SEMA6D: variants seen among roughly 807,000 people sequenced by gnomAD.
SEMA6D encodes the protein semaphorin-6D.
SEMA6D carries 35 observed loss-of-function variants against 106.6 expected under a neutral mutation model. That is an observed-to-expected ratio of 0.33 (90% CI 0.25 to 0.44). The LOEUF (loss-of-function observed/expected upper bound fraction) is 0.44. SEMA6D is among the 20% of genes least tolerant of loss of function. The pLI, the probability that SEMA6D is intolerant of heterozygous loss-of-function variation, is 1.00. For synonymous variants in SEMA6D, 499 were observed against 487.7 expected (o/e 1.02, Z -0.31); for missense variants, 1,185 against 1,345.9 (o/e 0.88, Z 1.87).
chr15:47,493,759 A>C (rs2043547613), intron 3 of SEMA6D, among the ~76,000 whole-genome samples: 1 of 152,144 alleles, frequency 6.6e-6, no homozygotes, highest in African/African-American at 2.4e-5. Context: ...AAGAGAAACA[A>C]AGTAATTTAT....
At chr15:47,529,209 A>G (rs1034836476) in intron 3 of SEMA6D, among the ~76,000 whole-genome samples, 4 of 152,160 alleles carry the variant, frequency 2.6e-5, no homozygotes, top group African/African-American at 9.7e-5. Flanking sequence ...AAAGGTCTTC[A>G]TCTTCCTCGT....
intron 2 of SEMA6D, among the ~76,000 whole-genome samples, chr15:47,460,000 T>A (rs2042455767): frequency 6.6e-6 from 1 of 151,980 alleles, no homozygotes; most frequent in African/African-American, 2.4e-5. Flanking sequence ...CGTATTCAAA[T>A]CCCCAAGTCA....
intron 1 of SEMA6D, among the ~76,000 whole-genome samples, chr15:47,407,459 C>G (rs16959420): frequency 6.7e-6 from 1 of 148,338 alleles, no homozygotes; most frequent in Non-Finnish European, 1.5e-5. Flanking sequence ...TGAACAATTC[C>G]AAACAACCAG....
At chr15:47,653,702 C>T (rs1297450623) in intron 4 of SEMA6D, among the ~76,000 whole-genome samples, 3 of 152,190 alleles carry the variant, frequency 2.0e-5, no homozygotes, top group Non-Finnish European at 4.4e-5. Flanking sequence ...TATGCCTTGC[C>T]CATGCAACAA....
chr15:47,758,598 CTG>C (rs1182987609), intron 1 of SEMA6D, among the ~76,000 whole-genome samples: 2 of 152,042 alleles, frequency 1.3e-5, no homozygotes, highest in East Asian at 1.9e-4. Flanking sequence ...GCAATTAATG[CTG>C]TGTTTTGATA....
intron 3 of SEMA6D, among the ~76,000 whole-genome samples, chr15:47,600,644 TA>T (rs2076632928): frequency 6.6e-6 from 1 of 152,188 alleles, no homozygotes; most frequent in African/African-American, 2.4e-5. Flanking sequence ...AACATATTCC[TA>T]ACTAATAATG....
chr15:47,426,752 A>G (rs535399778), intron 2 of SEMA6D, among the ~76,000 whole-genome samples: 16 of 152,262 alleles, frequency 1.1e-4, no homozygotes, highest in African/African-American at 3.4e-4. Flanking sequence ...CCCCCAAGTA[A>G]AGCCCAATGC....
At chr15:47,235,940 G>C (rs939670743) in intron 1 of SEMA6D, among the ~76,000 whole-genome samples, 1 of 152,010 alleles carries the variant, frequency 6.6e-6, no homozygotes, top group African/African-American at 2.4e-5. Context: ...GTTACATTCT[G>C]CTCCCTCAGA....
intron 16 of SEMA6D, 141 bp downstream of exon 16, chr15:47,766,818 GT>G: frequency 1.5e-6 from 1 of 668,038 alleles, no homozygotes; most frequent in East Asian, 2.7e-5. Context: ...AAGCTGAGCT[GT>G]TCGGTCATGG....
chr15:47,328,047 G>C (rs759756834), intron 1 of SEMA6D, among the ~76,000 whole-genome samples: 1 of 152,158 alleles, frequency 6.6e-6, no homozygotes, highest in Non-Finnish European at 1.5e-5. Flanking sequence ...TTTGAATCCA[G>C]ATGTGCTAGC....
intron 1 of SEMA6D, among the ~76,000 whole-genome samples, chr15:47,383,904 A>G (rs891568254): frequency 6.6e-6 from 1 of 152,170 alleles, no homozygotes; most frequent in Non-Finnish European, 1.5e-5. Context: ...ATCTCTGTAT[A>G]TCTCATGACC....
At chr15:47,188,533 T>C (rs1893728397) in intron 1 of SEMA6D, among the ~76,000 whole-genome samples, 1 of 152,206 alleles carries the variant, frequency 6.6e-6, no homozygotes, top group Non-Finnish European at 1.5e-5. Context: ...GTAGATTTCT[T>C]AACTGATTAC....
intron 4 of SEMA6D, among the ~76,000 whole-genome samples, chr15:47,623,374 A>G (rs1278971315): frequency 6.6e-6 from 1 of 152,184 alleles, no homozygotes; most frequent in African/African-American, 2.4e-5. Context: ...TAACTCATTT[A>G]TTCCTCCCAA....
chr15:47,664,585 G>C (rs1471090363), intron 4 of SEMA6D, among the ~76,000 whole-genome samples: 1 of 152,192 alleles, frequency 6.6e-6, no homozygotes, highest in African/African-American at 2.4e-5. Context: ...GTGTGACATA[G>C]GTGGATCATT....
chr15:47,491,475 A>C (rs1000481617), intron 3 of SEMA6D, among the ~76,000 whole-genome samples: 33 of 152,352 alleles, frequency 2.2e-4, no homozygotes, highest in African/African-American at 7.2e-4. Context: ...TTTTTTATGC[A>C]AATATATGTG....
chr15:47,435,410 C>A (rs1194727640), intron 2 of SEMA6D, among the ~76,000 whole-genome samples: 1 of 152,078 alleles, frequency 6.6e-6, no homozygotes, highest in Non-Finnish European at 1.5e-5. Flanking sequence ...ATGGTGGAAA[C>A]TCTGTTTTTC....
chr15:47,215,884 A>T (rs1172970956), intron 1 of SEMA6D, among the ~76,000 whole-genome samples: 1 of 151,900 alleles, frequency 6.6e-6, no homozygotes, highest in Non-Finnish European at 1.5e-5. Flanking sequence ...AGAGAGGTCG[A>T]GGAGCAGTGC....
chr15:47,274,025 T>C (rs1020000100), intron 1 of SEMA6D, among the ~76,000 whole-genome samples: 2 of 152,090 alleles, frequency 1.3e-5, no homozygotes, highest in South Asian at 2.1e-4. Flanking sequence ...GGTATGGACC[T>C]AAAGGCTTCA....
At chr15:47,751,012 G>A (rs2081401876) in intron 1 of SEMA6D, among the ~76,000 whole-genome samples, 2 of 152,132 alleles carry the variant, frequency 1.3e-5, no homozygotes, top group Admixed American at 1.3e-4. Context: ...GCCCAGAGTA[G>A]CCTGCCCCAG....
Sources: gnomAD v4.1 joint callset for allele counts (sites outside exome capture counted in the v4.1 genomes callset) on GRCh38, gnomAD v4.1.1 for gene constraint, MANE v1.5 for transcripts, NCBI Gene and HGNC (gene_info 2026-07-23, HGNC 2026-07-21) for gene names.